Variants in PGR observed in about 807,000 individuals in gnomAD.
PGR encodes progesterone receptor, also known as nuclear receptor subfamily 3 group C member 3.
A neutral mutation model predicts 76.1 loss-of-function variants in PGR; 25 were observed. That is an observed-to-expected ratio of 0.33 (90% CI 0.24 to 0.46). The LOEUF is 0.46. Among genes scored for constraint, PGR ranks in the 20% least tolerant of loss-of-function variants. The pLI, the probability that PGR is intolerant of heterozygous loss-of-function variation, is 1.00. For missense variants in PGR, 1,172 were observed against 1,225.3 expected, an observed-to-expected ratio of 0.96 and a Z score of 0.65; for synonymous variants, 579 against 535.0, an observed-to-expected ratio of 1.08 and a Z score of -1.14.
At chr11:101,039,492 T>G (rs1332367649) in intron 7 of PGR, among the ~76,000 whole-genome samples, 1 of 151,990 alleles carries the variant, frequency 6.6e-6, no homozygotes, top group Non-Finnish European at 1.5e-5. Flanking sequence ...AAGATTTATT[T>G]AAAGAAATGA....
chr11:101,059,790 C>T (rs1352148083), intron 4 of PGR, among the ~76,000 whole-genome samples: 1 of 136,614 alleles, frequency 7.3e-6, no homozygotes, highest in Non-Finnish European at 1.5e-5. Context: ...CTGCAATGAG[C>T]CAAGATCATG....
At chr11:101,057,841 T>C (rs1312963330) in intron 4 of PGR, among the ~76,000 whole-genome samples, 1 of 152,162 alleles carries the variant, frequency 6.6e-6, no homozygotes, top group East Asian at 1.9e-4. Flanking sequence ...AGAAGTCATC[T>C]GGGTGGAGCT....
At chr11:101,061,301 G>C (rs544757630) in intron 4 of PGR, among the ~76,000 whole-genome samples, 2 of 152,140 alleles carry the variant, frequency 1.3e-5, no homozygotes, top group African/African-American at 4.8e-5. Flanking sequence ...GTAAGAATCT[G>C]GGCATTTTGA....
chr11:101,049,618 C>T (rs1010964361), intron 6 of PGR, among the ~76,000 whole-genome samples: 6 of 151,866 alleles, frequency 4.0e-5, no homozygotes, highest in Non-Finnish European at 5.9e-5. Flanking sequence ...CTGTTGTTGA[C>T]CAAAATATTA....
chr11:101,120,708 T>C (rs1009094532), intron 2 of PGR, among the ~76,000 whole-genome samples: 2 of 152,096 alleles, frequency 1.3e-5, no homozygotes, highest in South Asian at 4.2e-4. Context: ...GAGGTAGAGG[T>C]ATAGAAAGAT....
intron 3 of PGR, among the ~76,000 whole-genome samples, chr11:101,082,876 A>T (rs1434189627): frequency 6.6e-6 from 1 of 152,210 alleles, no homozygotes; most frequent in African/African-American, 2.4e-5. Context: ...GAGACAAAAA[A>T]ACATTTCCTG....
At chr11:101,118,254 G>C (rs1446029461) in intron 2 of PGR, among the ~76,000 whole-genome samples, 1 of 152,178 alleles carries the variant, frequency 6.6e-6, no homozygotes, top group Non-Finnish European at 1.5e-5. Flanking sequence ...TAGGTTTGTT[G>C]CAAGAGTTAA....
chr11:101,125,334 A>T (rs1214372468), intron 2 of PGR, among the ~76,000 whole-genome samples: 1 of 152,212 alleles, frequency 6.6e-6, no homozygotes, highest in African/African-American at 2.4e-5. Flanking sequence ...GTTTAAAAAC[A>T]TGAAAGTTTT....
At chr11:101,062,098 AG>A (rs1860522788) in intron 4 of PGR, among the ~76,000 whole-genome samples, 1 of 152,190 alleles carries the variant, frequency 6.6e-6, no homozygotes, top group Admixed American at 6.6e-5. Context: ...GGTTGAATTA[AG>A]GGTTAGAATA....
intron 2 of PGR, among the ~76,000 whole-genome samples, chr11:101,101,030 T>C (rs761801470): frequency 6.6e-5 from 10 of 152,172 alleles, no homozygotes; most frequent in Non-Finnish European, 1.0e-4. Flanking sequence ...ATAATTTTCA[T>C]CTAAAACGAA....
At chr11:101,125,779 A>C (rs547705302) in intron 2 of PGR, among the ~76,000 whole-genome samples, 6 of 152,350 alleles carry the variant, frequency 3.9e-5, no homozygotes, top group African/African-American at 1.4e-4. Context: ...ACTTATGTCT[A>C]ATACTGAAAG....
intron 2 of PGR, among the ~76,000 whole-genome samples, chr11:101,116,490 A>T (rs1250448373): frequency 1.3e-5 from 2 of 152,194 alleles, no homozygotes; most frequent in Non-Finnish European, 2.9e-5. Flanking sequence ...CTGTAATCCC[A>T]ACACTTTGGG....
At chr11:101,046,264 T>TGGG (rs1471040983) in intron 6 of PGR, among the ~76,000 whole-genome samples, 2 of 144,178 alleles carry the variant, frequency 1.4e-5, no homozygotes, top group African/African-American at 2.6e-5. Flanking sequence ...TACCTGGGAC[T>TGGG]ACAGGCACTT....
At chr11:101,053,957 G>C (rs1392449315) in intron 4 of PGR, among the ~76,000 whole-genome samples, 1 of 152,076 alleles carries the variant, frequency 6.6e-6, no homozygotes, top group African/African-American at 2.4e-5. Flanking sequence ...GCATAGGTTT[G>C]GCCCATGGAA....
intron 2 of PGR, 61 bp from the exon 3 acceptor site, chr11:101,091,937 G>T: frequency 1.1e-6 from 1 of 869,880 alleles, no homozygotes; most frequent in Non-Finnish European, 1.9e-6. Context: ...GAAATTCTAT[G>T]CAGTGACAAC....
At chr11:101,043,029 A>G (rs1379000877) in intron 6 of PGR, among the ~76,000 whole-genome samples, 2 of 152,182 alleles carry the variant, frequency 1.3e-5, no homozygotes, top group African/African-American at 4.8e-5. Flanking sequence ...ACAGTTTCTC[A>G]AAATAAGGCA....
intron 3 of PGR, among the ~76,000 whole-genome samples, chr11:101,066,207 C>A (rs748962292): frequency 2.0e-5 from 3 of 152,202 alleles, no homozygotes; most frequent in Non-Finnish European, 2.9e-5. Context: ...CTTATCCCAA[C>A]CAAATTATTC....
intron 2 of PGR, among the ~76,000 whole-genome samples, chr11:101,114,299 T>C (rs1215915552): frequency 6.6e-6 from 1 of 152,194 alleles, no homozygotes. Context: ...TCATCCATTT[T>C]TGAGTCTCAA....
chr11:101,051,686 C>G (rs1205476596), intron 4 of PGR, 118 bp from the exon 5 acceptor site: 1 of 744,002 alleles, frequency 1.3e-6, no homozygotes, highest in African/African-American at 1.7e-5. Flanking sequence ...TGTTTTCAAT[C>G]CCAACATATT....
Sources: gnomAD v4.1 joint callset for allele counts (sites outside exome capture counted in the v4.1 genomes callset) on GRCh38, gnomAD v4.1.1 for gene constraint, MANE v1.5 for transcripts, NCBI Gene and HGNC (gene_info 2026-07-23, HGNC 2026-07-21) for gene names.